SFXN5: variants seen among roughly 807,000 people sequenced by gnomAD.
The protein encoded by SFXN5 is sideroflexin 5, also known as sideroflexin-5.
SFXN5 carries 43 observed loss-of-function variants against 50.2 expected under a neutral mutation model. The ratio of observed to expected loss-of-function variants is 0.86; its 90% CI spans 0.67 to 1.11. The LOEUF is 1.11. Among genes scored for constraint, SFXN5 ranks in the 50% least tolerant of loss-of-function variants. The pLI is 0.00. For synonymous variants in SFXN5, 203 were observed against 185.8 expected (o/e 1.09, Z -0.75); for missense variants, 463 against 454.1 (o/e 1.02, Z -0.18).
At position 72,961,120 on chromosome 2, in the gene SFXN5, TC is replaced by T; in HGVS notation, c.945+10del. ...CTGCCCTGCCCTGCCCTTGAGCCCC[TC>T]CCCACTGACCTCTGACATTTGCGGG... On this transcript the variant is annotated intron_variant, in intron 13 of 13. Transcript: ENST00000272433. This position sits in a 1 kb window ranked among gnomAD's most constrained non-coding sequence, Gnocchi z 4.4. The T allele has an allele frequency of 1.3e-6, 2 of 1,565,758 alleles. No homozygotes were observed. The highest frequency in any genetic ancestry group is 8.7e-7 in the Non-Finnish European group (1 of 1,155,900).
At chr2:73,016,444 C>T (rs542919728) in intron 6 of SFXN5, among the ~76,000 whole-genome samples, 3 of 152,320 alleles carry the variant, frequency 2.0e-5, no homozygotes, top group African/African-American at 7.2e-5. Context: ...GTGGCTCACA[C>T]CTGTAATCCC....
chr2:73,055,237 C>T (rs10192077), intron 2 of SFXN5, among the ~76,000 whole-genome samples: 51,221 of 152,202 alleles, frequency 0.34, 10,742 homozygotes, highest in African/African-American at 0.59. Context: ...CGTGTAATCT[C>T]GGGCAAGTTC....
chr2:72,949,114 C>T (rs908967278), intron 13 of SFXN5, among the ~76,000 whole-genome samples: 1 of 152,142 alleles, frequency 6.6e-6, no homozygotes, highest in African/African-American at 2.4e-5. Context: ...GCAGGCCAAG[C>T]TTGCTGGGTG....
intron 10 of SFXN5, among the ~76,000 whole-genome samples, chr2:72,981,535 C>G (rs1295207101): frequency 6.6e-6 from 1 of 152,182 alleles, no homozygotes; most frequent in African/African-American, 2.4e-5. Flanking sequence ...AGGTTGGTGT[C>G]CCTGTTTTTT....
chr2:73,069,416 C>G (rs1386809542), intron 1 of SFXN5, among the ~76,000 whole-genome samples: 1 of 152,166 alleles, frequency 6.6e-6, no homozygotes, highest in Non-Finnish European at 1.5e-5. Flanking sequence ...AAGGAAAGAA[C>G]ACAGGCGGCT....
intron 8 of SFXN5, 107 bp from the exon 9 acceptor site, chr2:72,999,121 A>G: frequency 1.6e-6 from 2 of 1,218,348 alleles, no homozygotes; most frequent in Non-Finnish European, 2.4e-6. Context: ...ACCAGCCTGG[A>G]AAGTGGGTAG....
At chr2:72,974,246 G>A (rs192784744) in intron 10 of SFXN5, among the ~76,000 whole-genome samples, 3 of 152,260 alleles carry the variant, frequency 2.0e-5, no homozygotes, top group Admixed American at 1.3e-4. Flanking sequence ...GCATAGGGGA[G>A]ACAAACAGAA....
chr2:72,953,536 A>G lies in SFXN5; in HGVS notation c.945+7595T>C, dbSNP rs999993325. On this transcript the variant is annotated intron_variant, in intron 13 of 13. Transcript: ENST00000272433. The surrounding 1 kb of genome is among the most constrained non-coding windows in gnomAD (Gnocchi z 4.1). ...AAGTCAAGGTGAACCCAGATGAGCC[A>G]CGCTCTGTACTAGGTGTTGATAAAG... Among the ~76,000 whole-genome samples, 3 of 152,186 alleles carry G rather than the reference A, an allele frequency of 2.0e-5. No individual in the cohort carries two copies. Among genetic ancestry groups the G allele is most frequent in the African/African-American group, 7.2e-5 (3 of 41,444 alleles).
At chr2:72,989,798 G>C (rs1394021452) in intron 9 of SFXN5, among the ~76,000 whole-genome samples, 1 of 152,212 alleles carries the variant, frequency 6.6e-6, no homozygotes, top group Non-Finnish European at 1.5e-5. Flanking sequence ...AAAAGGAGTT[G>C]GGTTGCAGAG....
intron 10 of SFXN5, 30 bp from the exon 11 acceptor site, chr2:72,971,715 A>C: frequency 3.8e-6 from 6 of 1,561,542 alleles, no homozygotes; most frequent in African/African-American, 1.4e-5. Flanking sequence ...AGAGAGCAGG[A>C]TGAGGAGGAA....
At chr2:73,027,369 GTGTT>G (rs1203132243) in intron 3 of SFXN5, among the ~76,000 whole-genome samples, 3 of 152,222 alleles carry the variant, frequency 2.0e-5, no homozygotes, top group South Asian at 2.1e-4. Context: ...CAGTTGTACA[GTGTT>G]TGTGTTTTAA....
At chr2:72,996,362 T>A (rs1673232643) in intron 9 of SFXN5, 1 of 152,280 alleles carries the variant, frequency 6.6e-6, no homozygotes, top group Non-Finnish European at 1.5e-5. Flanking sequence ...CCCCAGTAAC[T>A]CTGTCTTCAG....
intron 3 of SFXN5, among the ~76,000 whole-genome samples, chr2:73,030,050 C>T (rs1452713673): frequency 1.3e-5 from 2 of 151,904 alleles, no homozygotes; most frequent in Admixed American, 6.6e-5. Flanking sequence ...CCATCCTAGG[C>T]GACAGGAGTG....
chr2:72,968,119 G>GAA (rs1450969450), intron 12 of SFXN5, among the ~76,000 whole-genome samples: 2 of 101,188 alleles, frequency 2.0e-5, no homozygotes, highest in East Asian at 2.8e-4. Context: ...GAGCACACAT[G>GAA]AAAACACACA....
chr2:72,953,383 A>C lies in SFXN5; in HGVS notation c.945+7748T>G, dbSNP rs1159542389. Among the ~76,000 whole-genome samples the C allele has an allele frequency of 3.3e-5, 5 of 152,136 alleles. No homozygotes were observed. The highest frequency in any genetic ancestry group is 1.2e-4 in the African/African-American group (5 of 41,430). ...AAGTAGGAGATGGATTTGAGACTGG[A>C]GGGAAGGAGGCCCCTGCTCTGGGAG... On this transcript the variant is annotated intron_variant, in intron 13 of 13. Coordinates refer to ENST00000272433, the MANE Select transcript of SFXN5 (RefSeq NM_144579.3). This position sits in a 1 kb window ranked among gnomAD's most constrained non-coding sequence, Gnocchi z 4.1.
At chr2:73,027,520 T>C (rs1677722854) in intron 3 of SFXN5, among the ~76,000 whole-genome samples, 1 of 152,176 alleles carries the variant, frequency 6.6e-6, no homozygotes, top group South Asian at 2.1e-4. Context: ...TAAGGATATG[T>C]GTTTATAAAG....
Position 72,945,085 on chromosome 2 carries a change from T to A in SFXN5, c.960A>T (p.Gln320His). 1 of 1,613,838 alleles carries A rather than the reference T, an allele frequency of 6.2e-7. No homozygotes were observed. Among genetic ancestry groups the A allele is most frequent in the East Asian group, 2.2e-5 (1 of 44,876 alleles). Reference sequence around the variant, plus strand: ...TGGCCTGGGCTATCTCCGGCTCTAATTGGGATGTTTCAATCTGTGGAGAGA... The same window carrying A: ...TGGCCTGGGCTATCTCCGGCTCTAAATGGGATGTTTCAATCTGTGGAGAGA... ...FPQMSEIETS[Q>H]LEPEIAQATS... Residue 320 changes from glutamine to histidine, a missense_variant, in exon 14 of 14, where the codon CAA becomes CAT. Gln to His is a conservative substitution (Grantham distance 24). Coordinates refer to ENST00000272433, the MANE Select transcript of SFXN5 (RefSeq NM_144579.3). The surrounding 1 kb of genome is among the most constrained non-coding windows in gnomAD (Gnocchi z 5.8).
At chr2:73,069,031 G>T (rs946947794) in intron 1 of SFXN5, among the ~76,000 whole-genome samples, 2 of 151,888 alleles carry the variant, frequency 1.3e-5, no homozygotes, top group Admixed American at 6.6e-5. Context: ...TGCGAAGTGT[G>T]GGTGGGTGGG....
In SFXN5 at chr2:73,004,054, A is replaced by G. The variant is rs531060651; in HGVS notation, c.358-2476T>C. Among the ~76,000 whole-genome samples the G allele has an allele frequency of 1.6e-4, 24 of 152,326 alleles. No individual in the cohort carries two copies. The South Asian group carries it at 5.0e-3, about 32-fold the overall frequency. ...GCAGAGATTACTTTTGATATTTTGC[A>G]AACGGGACAACTGAGGCTTAGAGAA... On this transcript the variant is annotated intron_variant, in intron 6 of 13. Transcript: ENST00000272433.
Sources: allele counts gnomAD v4.1 joint callset (sites outside exome capture counted in the v4.1 genomes callset), GRCh38; gene constraint gnomAD v4.1.1; non-coding constraint Gnocchi (gnomAD v3.1); transcripts MANE v1.5; gene names NCBI Gene and HGNC (gene_info 2026-07-23, HGNC 2026-07-21).